Variants in TNIK observed in about 807,000 individuals in gnomAD.
The protein encoded by TNIK is TRAF2 and NCK interacting kinase, also known as TRAF2 and NCK-interacting protein kinase.
Under a neutral mutation model 191.3 loss-of-function variants are expected in TNIK, and 49 were observed. That is an observed-to-expected ratio of 0.26 (90% CI 0.20 to 0.32). The LOEUF (loss-of-function observed/expected upper bound fraction) is 0.32. TNIK is among the 10% of genes least tolerant of loss of function. The pLI, the probability that TNIK is intolerant of heterozygous loss-of-function variation, is 1.00. For synonymous variants in TNIK, 594 were observed against 600.9 expected, an observed-to-expected ratio of 0.99 and a Z score of 0.17; for missense variants, 1,155 against 1,702.3, an observed-to-expected ratio of 0.68 and a Z score of 5.66.
At chr3:171,217,624 C>A (rs770557183) in intron 3 of TNIK, among the ~76,000 whole-genome samples, 7 of 152,048 alleles carry the variant, frequency 4.6e-5, no homozygotes, top group Non-Finnish European at 1.0e-4. Context: ...TTGTAAATGT[C>A]AATAATATAA....
intron 1 of TNIK, among the ~76,000 whole-genome samples, chr3:171,431,532 T>G (rs955818420): frequency 6.6e-6 from 1 of 152,182 alleles, no homozygotes; most frequent in Non-Finnish European, 1.5e-5. Context: ...ATATTCAATT[T>G]TTTTAATGAG....
At chr3:171,404,150 A>G (rs1381922178) in intron 1 of TNIK, among the ~76,000 whole-genome samples, 1 of 152,226 alleles carries the variant, frequency 6.6e-6, no homozygotes, top group African/African-American at 2.4e-5. Context: ...AGATGTATTA[A>G]CAAGTTGTTT....
intron 9 of TNIK, among the ~76,000 whole-genome samples, chr3:171,171,581 G>C (rs1330422522): frequency 6.6e-6 from 1 of 152,160 alleles, no homozygotes. Context: ...GTGCTGCTTT[G>C]CCTGTGTGGG....
chr3:171,170,138 G>T (rs1546280), intron 9 of TNIK, among the ~76,000 whole-genome samples: 120,961 of 152,160 alleles, frequency 0.79, 48,753 homozygotes, highest in African/African-American at 0.93. Context: ...TGATAGTAAT[G>T]TAGTTCTGTC....
chr3:171,428,461 C>A (rs1236636454), intron 1 of TNIK, among the ~76,000 whole-genome samples: 1 of 151,962 alleles, frequency 6.6e-6, no homozygotes, highest in Admixed American at 6.6e-5. Flanking sequence ...TGCTTCCTGC[C>A]CCCTGTGGTC....
At chr3:171,089,586 A>G (rs1201625503) in intron 23 of TNIK, among the ~76,000 whole-genome samples, 1 of 152,166 alleles carries the variant, frequency 6.6e-6, no homozygotes, top group African/African-American at 2.4e-5. Flanking sequence ...GAGAAGCTTA[A>G]AGGAATCCAG....
intron 1 of TNIK, among the ~76,000 whole-genome samples, chr3:171,438,829 G>A (rs1342807962): frequency 6.6e-6 from 1 of 152,192 alleles, no homozygotes; most frequent in Non-Finnish European, 1.5e-5. Flanking sequence ...CACCACTTGT[G>A]GTGGGATCAG....
At chr3:171,248,874 T>G (rs1430988601) in intron 2 of TNIK, among the ~76,000 whole-genome samples, 1 of 109,454 alleles carries the variant, frequency 9.1e-6, no homozygotes, top group Non-Finnish European at 1.9e-5. Context: ...CTGCCAAGTC[T>G]TATTGACCTT....
chr3:171,229,152 T>C (rs867069226), intron 2 of TNIK, among the ~76,000 whole-genome samples: 1 of 152,120 alleles, frequency 6.6e-6, no homozygotes, highest in Non-Finnish European at 1.5e-5. Context: ...ACCTAATGCA[T>C]AGAATTGTAG....
At chr3:171,356,406 G>A (rs76772613) in intron 2 of TNIK, among the ~76,000 whole-genome samples, 3,944 of 152,198 alleles carry the variant, frequency 0.026, 164 homozygotes, top group East Asian at 0.22. Flanking sequence ...AATTGTGTTT[G>A]TTGTACAAAA....
intron 2 of TNIK, among the ~76,000 whole-genome samples, chr3:171,360,851 T>G (rs1386527046): frequency 6.6e-6 from 1 of 152,242 alleles, no homozygotes; most frequent in Non-Finnish European, 1.5e-5. Context: ...CTGTATACTC[T>G]TGCTGTGGTG....
At chr3:171,097,359 A>G (rs1722866065) in intron 22 of TNIK, among the ~76,000 whole-genome samples, 1 of 152,238 alleles carries the variant, frequency 6.6e-6, no homozygotes, top group Non-Finnish European at 1.5e-5. Flanking sequence ...CCATGAGGTT[A>G]CAGGTTAACA....
At chr3:171,292,088 T>A (rs1751751163) in intron 2 of TNIK, among the ~76,000 whole-genome samples, 1 of 152,208 alleles carries the variant, frequency 6.6e-6, no homozygotes, top group African/African-American at 2.4e-5. Context: ...CTTTTTATAT[T>A]TTATATTTTC....
chr3:171,403,190 A>G (rs1335223502), intron 1 of TNIK, among the ~76,000 whole-genome samples: 1 of 152,228 alleles, frequency 6.6e-6, no homozygotes, highest in Admixed American at 6.5e-5. Flanking sequence ...GGCCCCAACA[A>G]GATGAAACAG....
chr3:171,358,253 A>C (rs904736507), intron 2 of TNIK, among the ~76,000 whole-genome samples: 1 of 152,248 alleles, frequency 6.6e-6, no homozygotes, highest in African/African-American at 2.4e-5. Context: ...CTGCTAATAA[A>C]GACATACCTG....
chr3:171,324,859 G>A (rs1428145236), intron 2 of TNIK, among the ~76,000 whole-genome samples: 1 of 152,108 alleles, frequency 6.6e-6, no homozygotes, highest in Non-Finnish European at 1.5e-5. Context: ...AGCACTTTGA[G>A]AGGCCAAGGC....
At chr3:171,150,065 T>TA (rs35586364) in intron 12 of TNIK, among the ~76,000 whole-genome samples, 14,345 of 152,136 alleles carry the variant, frequency 0.094, 812 homozygotes, top group African/African-American at 0.14. Flanking sequence ...GCTGCACTGG[T>TA]AAAAAACCCA....
At chr3:171,111,298 C>A (rs1725822097) in intron 18 of TNIK, among the ~76,000 whole-genome samples, 1 of 152,040 alleles carries the variant, frequency 6.6e-6, no homozygotes, top group South Asian at 2.1e-4. Context: ...GCCTGTCCTC[C>A]CACTTACATG....
chr3:171,245,916 G>T (rs1745533654), intron 2 of TNIK, among the ~76,000 whole-genome samples: 1 of 152,304 alleles, frequency 6.6e-6, no homozygotes, highest in Admixed American at 6.5e-5. Context: ...GAGAAAGAGA[G>T]AGAAACAGAC....
Sources: allele counts gnomAD v4.1 joint callset (sites outside exome capture counted in the v4.1 genomes callset), GRCh38; gene constraint gnomAD v4.1.1; transcripts MANE v1.5; gene names NCBI Gene and HGNC (gene_info 2026-07-23, HGNC 2026-07-21).